GGACT: variants seen among roughly 807,000 people sequenced by gnomAD.
The protein encoded by GGACT is gamma-glutamylamine cyclotransferase.
For missense variants in GGACT, 241 were observed against 233.2 expected, an observed-to-expected ratio of 1.03 and a Z score of -0.22; for synonymous variants, 118 against 115.3, an observed-to-expected ratio of 1.02 and a Z score of -0.15.
At chr13:100,585,229 C>T (rs1001758202) in intron 1 of GGACT, among the ~76,000 whole-genome samples, 3 of 152,236 alleles carry the variant, frequency 2.0e-5, no homozygotes, top group Non-Finnish European at 2.9e-5. Flanking sequence ...CTGCTCTAGA[C>T]TTGGGTCGGC....
intron 2 of GGACT, among the ~76,000 whole-genome samples, chr13:100,575,123 A>G (rs1875210837): frequency 6.6e-6 from 1 of 152,158 alleles, no homozygotes; most frequent in South Asian, 2.1e-4. Flanking sequence ...CACAAAATAA[A>G]ACCTATATGC....
Position 100,554,710 on chromosome 13 carries a change from A to G in GGACT, c.-10-22109T>C, listed in dbSNP as rs562791145. On this transcript the variant is annotated intron_variant, in intron 2 of 2. Coordinates refer to ENST00000683975, the MANE Select transcript of GGACT (RefSeq NM_001195087.2). ...GGAACATACTTTAAAATATGTCAGC[A>G]TATCAAAGAAAAGAGGGAATTGATA... Among the ~76,000 whole-genome samples the G allele has an allele frequency of 4.6e-5, 7 of 152,344 alleles. No individual in the cohort carries two copies. The East Asian group carries it at 1.4e-3, about 29-fold the overall frequency.
chr13:100,573,953 C>T (rs749775595), intron 2 of GGACT, among the ~76,000 whole-genome samples: 6 of 150,912 alleles, frequency 4.0e-5, no homozygotes, highest in Non-Finnish European at 8.8e-5. Flanking sequence ...GTGGAAATGT[C>T]AATTAGTTCA....
chr13:100,581,867 A>G (rs1371797807), intron 2 of GGACT, among the ~76,000 whole-genome samples: 1 of 152,104 alleles, frequency 6.6e-6, no homozygotes, highest in East Asian at 1.9e-4. Context: ...CAATCCCCAC[A>G]CCCCTGTGGC....
chr13:100,540,395 C>T (rs144289769), intron 2 of GGACT: 8 of 623,028 alleles, frequency 1.3e-5, no homozygotes, highest in African/African-American at 9.2e-5. Context: ...CTAGGTTAGA[C>T]AATTTGTTGG....
intron 2 of GGACT, among the ~76,000 whole-genome samples, chr13:100,533,052 G>T (rs147351299): frequency 3.9e-5 from 6 of 152,336 alleles, no homozygotes; most frequent in Admixed American, 6.5e-5. Flanking sequence ...TGCAGGGGCA[G>T]CCCTGCCTCG....
At chr13:100,563,518 C>A (rs1180352534) in intron 2 of GGACT, among the ~76,000 whole-genome samples, 1 of 152,118 alleles carries the variant, frequency 6.6e-6, no homozygotes, top group Non-Finnish European at 1.5e-5. Flanking sequence ...GTAAATAAAT[C>A]TTTTAAAGTG....
chr13:100,538,398 T>C (rs1027494020), intron 2 of GGACT: 3 of 152,256 alleles, frequency 2.0e-5, no homozygotes, highest in African/African-American at 7.2e-5. Context: ...CAAATCCTTC[T>C]CTGTATTTCC....
At position 100,570,854 on chromosome 13, in the gene GGACT, G is replaced by A. The variant is rs140939417; in HGVS notation, c.-11+12971C>T. On this transcript the variant is annotated intron_variant, in intron 2 of 2. Coordinates refer to ENST00000683975, the MANE Select transcript of GGACT (RefSeq NM_001195087.2). Reference sequence around the variant, plus strand: ...TGCTGCTATAAGGATACCCAAAAACGTGGAATCTTAGGCTTAAATGCCTGC... The same window carrying A: ...TGCTGCTATAAGGATACCCAAAAACATGGAATCTTAGGCTTAAATGCCTGC... 6.1e-3 allele frequency among the ~76,000 whole-genome samples: 934 copies of A among 152,050 alleles called. 6 individuals are homozygous for A. The highest frequency in any genetic ancestry group is 0.021 in the African/African-American group (877 of 41,454).
rs1247135454 is a variant in GGACT, at chr13:100,532,323, C to T, written c.269G>A (p.Arg90His). 1.3e-6 allele frequency: 2 copies of T among 1,549,856 alleles called. No homozygotes were observed. Among genetic ancestry groups the T allele is most frequent in the South Asian group, 1.2e-5 (1 of 84,000 alleles). ...DFESCPALYQ[R>H]TVLRVQLLED... The stretch of plus-strand genomic sequence containing the variant: ...CAGCAGCTGTACCCGCAGCACCGTG[C>T]GCTGGTACAGGGCCGGGCAACTCTC... Residue 90 changes from arginine to histidine, a missense_variant, in exon 3 of 3, where the codon CGC becomes CAC. By Grantham distance (29) the Arg-to-His change is conservative. Transcript: ENST00000683975.
intron 2 of GGACT, among the ~76,000 whole-genome samples, chr13:100,577,263 A>G (rs1163037216): frequency 6.6e-6 from 1 of 151,946 alleles, no homozygotes; most frequent in Non-Finnish European, 1.5e-5. Context: ...TATAAATACA[A>G]AAATTAGCCA....
intron 2 of GGACT, among the ~76,000 whole-genome samples, chr13:100,580,365 C>T (rs1274362909): frequency 2.0e-5 from 3 of 152,202 alleles, no homozygotes; most frequent in African/African-American, 7.2e-5. Flanking sequence ...AGAAGACAGA[C>T]ACCGAGGAGG....
rs1381725068 is a variant in GGACT at position 100,545,632 on chromosome 13, A to G, written c.-10-13031T>C. Among the ~76,000 whole-genome samples the G allele has an allele frequency of 6.6e-6, 1 of 152,248 alleles. No homozygotes were observed. The highest frequency in any genetic ancestry group is 1.5e-5 in the Non-Finnish European group (1 of 68,038). Reference sequence around the variant, plus strand: ...GAACTGGCACTCAGAAGCTGCCACTATCCTGAAATTCCCGATTTTGTCTTT... The same window carrying G: ...GAACTGGCACTCAGAAGCTGCCACTGTCCTGAAATTCCCGATTTTGTCTTT... On this transcript the variant is annotated intron_variant, in intron 2 of 2. Coordinates refer to ENST00000683975, the MANE Select transcript of GGACT (RefSeq NM_001195087.2). This position sits in a 1 kb window ranked among gnomAD's most constrained non-coding sequence, Gnocchi z 4.4.
chr13:100,567,581 G>T (rs1874934833), intron 2 of GGACT, among the ~76,000 whole-genome samples: 1 of 152,230 alleles, frequency 6.6e-6, no homozygotes, highest in Admixed American at 6.5e-5. Context: ...TGCAGGGTGT[G>T]CTGTCTTTGG....
chr13:100,573,380 T>C (rs1423360473), intron 2 of GGACT, among the ~76,000 whole-genome samples: 1 of 152,152 alleles, frequency 6.6e-6, no homozygotes, highest in African/African-American at 2.4e-5. Flanking sequence ...AAGCCAGAAG[T>C]TTAAAAGAGA....
intron 2 of GGACT, among the ~76,000 whole-genome samples, chr13:100,577,434 T>A (rs1367689935): frequency 1.3e-5 from 2 of 149,170 alleles, no homozygotes; most frequent in African/African-American, 4.9e-5. Context: ...AATAAATAAA[T>A]AAATAAATAA....
intron 1 of GGACT, chr13:100,586,727 C>T (rs1875588530): frequency 6.6e-6 from 1 of 152,338 alleles, no homozygotes; most frequent in Non-Finnish European, 1.5e-5. Context: ...TCATTCTTCG[C>T]TACGTTCTAG....
intron 1 of GGACT, among the ~76,000 whole-genome samples, chr13:100,586,052 C>T (rs1405783891): frequency 2.0e-5 from 3 of 152,028 alleles, no homozygotes; most frequent in Admixed American, 6.6e-5. Flanking sequence ...AACAAACCAA[C>T]AGTAAAAATA....
intron 1 of GGACT, among the ~76,000 whole-genome samples, chr13:100,588,290 T>A (rs573252954): frequency 6.6e-6 from 1 of 152,356 alleles, no homozygotes; most frequent in Admixed American, 6.5e-5. Flanking sequence ...GGAGACGTTT[T>A]TAGATTTCTT....
Sources: gnomAD v4.1 joint callset for allele counts (sites outside exome capture counted in the v4.1 genomes callset) on GRCh38, gnomAD v4.1.1 for gene constraint, Gnocchi (gnomAD v3.1) non-coding constraint, MANE v1.5 for transcripts, NCBI Gene and HGNC (gene_info 2026-07-23, HGNC 2026-07-21) for gene names.